Variants in PRH1 observed in about 807,000 individuals in gnomAD.
PRH1 encodes the protein salivary acidic proline-rich phosphoprotein 1/2.
A neutral mutation model predicts 7.9 loss-of-function variants in PRH1; 7 were observed. The observed-to-expected ratio is 0.89, with a 90% CI of 0.50 to 1.67. The LOEUF (loss-of-function observed/expected upper bound fraction) is 1.67. PRH1 is among the 40% of genes most tolerant of loss of function. The pLI is 0.00. For synonymous variants in PRH1, 45 were observed against 80.8 expected (o/e 0.56, Z 2.38); for missense variants, 109 against 223.6 (o/e 0.49, Z 3.27).
chr12:11,051,648 T>A (rs1048161479), upstream of PRH1, among the ~76,000 whole-genome samples: 22 of 152,188 alleles, frequency 1.4e-4, no homozygotes, highest in African/African-American at 4.8e-4. Flanking sequence ...GATCATTTTT[T>A]AAAATTTTTC....
At chr12:10,944,797 T>C (rs1866181841) in intron 2 of PRH1, among the ~76,000 whole-genome samples, 1 of 152,212 alleles carries the variant, frequency 6.6e-6, no homozygotes, top group Non-Finnish European at 1.5e-5. Flanking sequence ...AAAAGCCTTT[T>C]CTGCATTTAT....
intron 1 of PRH1, among the ~76,000 whole-genome samples, chr12:10,999,603 T>C (rs776944448): frequency 3.3e-5 from 5 of 152,172 alleles, no homozygotes; most frequent in Non-Finnish European, 5.9e-5. Context: ...GTAACCATCA[T>C]GCAGGATAAG....
At chr12:11,030,757 T>G in intron 1 of PRH1, 4 of 1,614,156 alleles carry the variant, frequency 2.5e-6, no homozygotes, top group Non-Finnish European at 3.4e-6. Context: ...GCAAAAAACA[T>G]AGCAGGGTCA....
intron 2 of PRH1, among the ~76,000 whole-genome samples, chr12:10,913,006 T>C (rs1463058607): frequency 1.3e-5 from 2 of 152,248 alleles, no homozygotes; most frequent in Non-Finnish European, 2.9e-5. Context: ...TATCCTGCTA[T>C]GAGTATAGGT....
chr12:11,155,804 C>T (rs1002278096), intron 1 of PRH1, among the ~76,000 whole-genome samples: 2 of 152,020 alleles, frequency 1.3e-5, no homozygotes, highest in Non-Finnish European at 2.9e-5. Context: ...ATAATACTAC[C>T]ATGGGCATTA....
chr12:11,033,298 C>T (rs745436820), intron 1 of PRH1, among the ~76,000 whole-genome samples: 40 of 151,944 alleles, frequency 2.6e-4, no homozygotes, highest in Admixed American at 5.9e-4. Flanking sequence ...ACCCGGGAGG[C>T]GGAGGTTGCA....
Position 11,073,744 on chromosome 12 carries a change from T to A in PRH1, n.124-26556A>T, listed in dbSNP as rs1432627478. ...AACCTGCTCTGCCCATTGAGTCAGATGATCCAGCAGAATTCAAAGCTGCTA... is the reference window on the plus strand; with the variant it reads ...AACCTGCTCTGCCCATTGAGTCAGAAGATCCAGCAGAATTCAAAGCTGCTA... On this transcript the variant is annotated intron_variant and non_coding_transcript_variant, in intron 1 of 4. Coordinates refer to the PRH1 transcript ENST00000541977. 7.2e-5 allele frequency among the ~76,000 whole-genome samples: 11 copies of A among 152,238 alleles called. No individual in the cohort carries two copies. In the South Asian group the frequency reaches 8.3e-4, roughly 11 times the overall value.
At chr12:10,983,647 T>C (rs1350645358) in intron 1 of PRH1, among the ~76,000 whole-genome samples, 1 of 152,230 alleles carries the variant, frequency 6.6e-6, no homozygotes, top group African/African-American at 2.4e-5. Context: ...GCTGAGCAGA[T>C]ACATTTTCTC....
chr12:10,976,425 T>G (rs1323323384), intron 1 of PRH1, among the ~76,000 whole-genome samples: 1 of 152,090 alleles, frequency 6.6e-6, no homozygotes, highest in Non-Finnish European at 1.5e-5. Flanking sequence ...TAAGGCAGTG[T>G]TAAGAGGAAA....
At chr12:10,942,519 A>G (rs1455209319) in intron 2 of PRH1, among the ~76,000 whole-genome samples, 1 of 152,118 alleles carries the variant, frequency 6.6e-6, no homozygotes, top group Non-Finnish European at 1.5e-5. Flanking sequence ...GGCCTGACCC[A>G]GCTCCCATGC....
At chr12:11,134,280 G>T (rs1482499620) in intron 1 of PRH1, 1 of 1,554,696 alleles carries the variant, frequency 6.4e-7, no homozygotes, top group Non-Finnish European at 8.7e-7. Flanking sequence ...TAAAATGCTG[G>T]TGTAATATCA....
chr12:11,021,693 A>T (rs1194310475), intron 1 of PRH1: 1 of 1,611,016 alleles, frequency 6.2e-7, no homozygotes, highest in South Asian at 1.1e-5. Flanking sequence ...TCTGCCACAA[A>T]ACTGAAAGAA....
intron 1 of PRH1, among the ~76,000 whole-genome samples, chr12:11,170,878 C>T (rs1419112927): frequency 6.6e-6 from 1 of 152,134 alleles, no homozygotes; most frequent in East Asian, 1.9e-4. Flanking sequence ...AGACCTTGTG[C>T]TTTTATTGGC....
intron 1 of PRH1, among the ~76,000 whole-genome samples, chr12:11,057,110 A>G (rs753367235): frequency 2.0e-5 from 3 of 152,060 alleles, no homozygotes; most frequent in Admixed American, 6.5e-5. Context: ...GGGCTCAAGC[A>G]ATCCTCCTGC....
intron 1 of PRH1, chr12:11,133,371 A>G (rs1480996394): frequency 6.2e-7 from 1 of 1,613,934 alleles, no homozygotes. Flanking sequence ...CGCAAAACTG[A>G]AAGAAAAATC....
At chr12:11,039,423 T>C (rs1336604208) in intron 1 of PRH1, among the ~76,000 whole-genome samples, 3 of 152,262 alleles carry the variant, frequency 2.0e-5, no homozygotes, top group Non-Finnish European at 2.9e-5. Context: ...TCAAACACAA[T>C]GTCCTTGCTG....
intron 1 of PRH1, among the ~76,000 whole-genome samples, chr12:11,067,721 G>A (rs1265416327): frequency 1.3e-5 from 2 of 152,072 alleles, no homozygotes; most frequent in Non-Finnish European, 2.9e-5. Flanking sequence ...AAATTAGCAG[G>A]GCGTGGTGGT....
intron 1 of PRH1, among the ~76,000 whole-genome samples, chr12:11,045,400 T>C (rs996521430): frequency 2.6e-5 from 4 of 151,966 alleles, no homozygotes; most frequent in African/African-American, 9.7e-5. Context: ...GATAATTCAG[T>C]TGTACATTTT....
chr12:11,032,686 G>T (rs891165022), intron 1 of PRH1, among the ~76,000 whole-genome samples: 7 of 152,072 alleles, frequency 4.6e-5, no homozygotes, highest in Non-Finnish European at 8.8e-5. Flanking sequence ...ACTTGGTAAA[G>T]TTTCTCTCAA....
Sources: gnomAD v4.1 joint callset for allele counts (sites outside exome capture counted in the v4.1 genomes callset) on GRCh38, gnomAD v4.1.1 for gene constraint, MANE v1.5 for transcripts, NCBI Gene and HGNC (gene_info 2026-07-23, HGNC 2026-07-21) for gene names.